The following ZNF90 variants were observed in gnomAD, a reference collection of about 807,000 sequenced individuals.
The protein encoded by ZNF90 is zinc finger protein HTF9.
Under a neutral mutation model 12.0 loss-of-function variants are expected in ZNF90, and 11 were observed. The ratio of observed to expected loss-of-function variants is 0.92; its 90% confidence interval spans 0.58 to 1.52. The LOEUF (loss-of-function observed/expected upper bound fraction) is 1.52. Ranked by LOEUF, ZNF90 falls within the 40% of genes most tolerant of loss-of-function variation. The probability of loss-of-function intolerance (pLI) is 0.00; values close to 1 mark genes in which losing one functional copy is unlikely to be tolerated. For missense variants in ZNF90, 765 were observed against 711.5 expected, an observed-to-expected ratio of 1.08 and a Z score of -0.86; for synonymous variants, 232 against 240.1, an observed-to-expected ratio of 0.97 and a Z score of 0.31.
intron 1 of ZNF90, among the ~76,000 whole-genome samples, chr19:20,079,018 C>T (rs1261928943): frequency 6.6e-6 from 1 of 150,522 alleles, no homozygotes; most frequent in Non-Finnish European, 1.5e-5. Flanking sequence ...ACTTGGGAGG[C>T]TGAGGCCCGA....
intron 3 of ZNF90, among the ~76,000 whole-genome samples, chr19:20,106,051 T>TC (rs1278626956): frequency 6.5e-4 from 90 of 139,096 alleles, no homozygotes; most frequent in Non-Finnish European, 1.2e-3. Flanking sequence ...TTTCTTTTTT[T>TC]TTTTTTTTTT....
chr19:20,104,775 G>T (rs150795713), intron 2 of ZNF90, among the ~76,000 whole-genome samples: 4 of 152,128 alleles, frequency 2.6e-5, no homozygotes, highest in African/African-American at 7.2e-5. Flanking sequence ...TGGGCAGGTC[G>T]CCTGAGGTCA....
At chr19:20,114,097 C>A (rs765051951) in intron 3 of ZNF90, among the ~76,000 whole-genome samples, 7 of 152,164 alleles carry the variant, frequency 4.6e-5, no homozygotes, top group Non-Finnish European at 1.0e-4. Context: ...TCGTGACCAT[C>A]CTGGCCACCA....
chr19:20,106,013 TAA>T (rs781880509), intron 3 of ZNF90, among the ~76,000 whole-genome samples: 66 of 148,258 alleles, frequency 4.5e-4, no homozygotes, highest in Non-Finnish European at 8.8e-4. Context: ...TAAAATATTT[TAA>T]AATTTATTTG....
chr19:20,115,560 A>G (rs1167620338), intron 3 of ZNF90, among the ~76,000 whole-genome samples: 3 of 151,906 alleles, frequency 2.0e-5, no homozygotes, highest in East Asian at 3.8e-4. Context: ...TGGTAAAAAA[A>G]TAACTTAAGT....
At chr19:20,097,285 T>A (rs1382150299) in intron 1 of ZNF90, among the ~76,000 whole-genome samples, 1 of 152,204 alleles carries the variant, frequency 6.6e-6, no homozygotes, top group Non-Finnish European at 1.5e-5. Flanking sequence ...AAGGTGCCAA[T>A]GAGAATTTAC....
At chr19:20,103,221 G>T (rs2089004284) in intron 1 of ZNF90, among the ~76,000 whole-genome samples, 1 of 152,146 alleles carries the variant, frequency 6.6e-6, no homozygotes, top group Admixed American at 6.5e-5. Context: ...GAATGTGGAG[G>T]TCGAAAGGAC....
chr19:20,104,226 G>A lies in ZNF90; in HGVS notation c.4-13G>A, dbSNP rs782173381. ...TTGGTAAAAATGTGTGTGTGTATATGTGTGTTTTTCAGGGACCATTGGAAT... is the reference window on the plus strand; with the variant it reads ...TTGGTAAAAATGTGTGTGTGTATATATGTGTTTTTCAGGGACCATTGGAAT... On this transcript the variant is annotated splice_polypyrimidine_tract_variant and intron_variant, in intron 1 of 3. Coordinates refer to ENST00000418063, the MANE Select transcript of ZNF90 (RefSeq NM_007138.2). 39 of 1,613,422 alleles carry A rather than the reference G, an allele frequency of 2.4e-5. No individual in the cohort carries two copies. The highest frequency in any genetic ancestry group is 8.3e-5 in the Admixed American group (5 of 59,976).
At chr19:20,095,636 G>A (rs1555703178) in intron 1 of ZNF90, among the ~76,000 whole-genome samples, 2 of 151,964 alleles carry the variant, frequency 1.3e-5, no homozygotes, top group Non-Finnish European at 2.9e-5. Context: ...AGGGATTGGG[G>A]CACAGATAAG....
rs567586500 is a variant in ZNF90 at position 20,092,396 on chromosome 19, G to A, written c.4-11843G>A. Among the ~76,000 whole-genome samples the A allele has an allele frequency of 2.8e-4, 43 of 152,280 alleles. No homozygotes were observed. In the South Asian group the frequency reaches 6.8e-3, roughly 24 times the overall value. Reference sequence around the variant, plus strand: ...TTTGGACAAAAAGGCTACAGGATGCGATCCTGGTCCTTGTGTAAGAATTCA... The same window carrying A: ...TTTGGACAAAAAGGCTACAGGATGCAATCCTGGTCCTTGTGTAAGAATTCA... On this transcript the variant is annotated intron_variant, in intron 1 of 3. Transcript: ENST00000418063.
At chr19:20,090,801 C>T (rs1234456427) in intron 1 of ZNF90, among the ~76,000 whole-genome samples, 3 of 152,162 alleles carry the variant, frequency 2.0e-5, no homozygotes, top group Non-Finnish European at 4.4e-5. Flanking sequence ...CCTGTAGCAT[C>T]TCGAGGACAG....
intron 1 of ZNF90, among the ~76,000 whole-genome samples, chr19:20,094,610 A>G (rs1187005070): frequency 2.6e-5 from 4 of 152,162 alleles, no homozygotes; most frequent in African/African-American, 4.8e-5. Context: ...CTCTCGGGGA[A>G]CTGCTCTAAT....
In ZNF90 at chr19:20,091,708, TAA is replaced by T. The variant is rs752640268; in HGVS notation, c.4-12529_4-12528del. On this transcript the variant is annotated intron_variant, in intron 1 of 3. Transcript: ENST00000418063. ...AAGTGGTCTTGAGCAGAGTTTTTATTAAAGAGGCATTAATGATGGAGGACCCT... is the reference window on the plus strand; with the variant it reads ...AAGTGGTCTTGAGCAGAGTTTTTATTAGAGGCATTAATGATGGAGGACCCT... Among the ~76,000 whole-genome samples, 191 of 152,308 alleles carry T rather than the reference TAA, an allele frequency of 1.3e-3. 2 individuals carry two copies. The highest frequency in any genetic ancestry group is 1.9e-3 in the Non-Finnish European group (130 of 68,030).
intron 1 of ZNF90, among the ~76,000 whole-genome samples, chr19:20,092,084 G>T (rs782633770): frequency 1.3e-5 from 2 of 152,160 alleles, no homozygotes; most frequent in Non-Finnish European, 2.9e-5. Flanking sequence ...GCAGTCATGA[G>T]GGTCAGGTGT....
chr19:20,111,190 A>C (rs1555705078), intron 3 of ZNF90, among the ~76,000 whole-genome samples: 2 of 152,136 alleles, frequency 1.3e-5, no homozygotes, highest in Non-Finnish European at 2.9e-5. Flanking sequence ...TCTGTGCCTC[A>C]GCCTCCCAAA....
intron 1 of ZNF90, among the ~76,000 whole-genome samples, chr19:20,099,499 G>T (rs1343617193): frequency 6.6e-6 from 1 of 152,200 alleles, no homozygotes; most frequent in Non-Finnish European, 1.5e-5. Flanking sequence ...TCAGACTTTT[G>T]TATGGTAATG....
intron 3 of ZNF90, among the ~76,000 whole-genome samples, chr19:20,112,347 A>G (rs910233646): frequency 1.3e-5 from 2 of 149,616 alleles, no homozygotes; most frequent in African/African-American, 5.0e-5. Context: ...TTTGAGATGG[A>G]GTCTTTCTCT....
At chr19:20,113,524 T>C (rs911238904) in intron 3 of ZNF90, among the ~76,000 whole-genome samples, 1 of 151,514 alleles carries the variant, frequency 6.6e-6, no homozygotes, top group Non-Finnish European at 1.5e-5. Flanking sequence ...TCTAGGTGAG[T>C]AGTCATAAAA....
chr19:20,117,087 T>G (rs1277544263), intron 3 of ZNF90, among the ~76,000 whole-genome samples: 1 of 151,008 alleles, frequency 6.6e-6, no homozygotes, highest in Non-Finnish European at 1.5e-5. Context: ...CTGTTCCCTA[T>G]GCTGAAGTGC....
Sources: allele counts gnomAD v4.1 joint callset (sites outside exome capture counted in the v4.1 genomes callset), GRCh38; gene constraint gnomAD v4.1.1; transcripts MANE v1.5; gene names NCBI Gene and HGNC (gene_info 2026-07-23, HGNC 2026-07-21).